Variants in ZFP42 observed in about 807,000 individuals in gnomAD.
ZFP42 encodes ZFP42 zinc finger protein.
For missense variants in ZFP42, 438 were observed against 377.1 expected (o/e 1.16, Z -1.34); for synonymous variants, 175 against 144.6 (o/e 1.21, Z -1.51).
At position 188,003,748 on chromosome 4, in the gene ZFP42, A is replaced by G. The variant is rs760664307; in HGVS notation, c.*8A>G. 3 of 1,602,090 alleles carry G rather than the reference A, an allele frequency of 1.9e-6. No homozygotes were observed. The highest frequency in any genetic ancestry group is 2.2e-5 in the South Asian group (2 of 90,108). Reference sequence around the variant, plus strand: ...GAACAAGAGGGAAAGTAGTCCTCCAACAGGATGAAGCAGATTAACAGAAGA... The same window carrying G: ...GAACAAGAGGGAAAGTAGTCCTCCAGCAGGATGAAGCAGATTAACAGAAGA... On this transcript the variant is annotated 3_prime_UTR_variant, in exon 4 of 4. Transcript: ENST00000326866.
chr4:188,002,047 T>G (rs902284887), intron 3 of ZFP42, among the ~76,000 whole-genome samples: 3 of 151,916 alleles, frequency 2.0e-5, no homozygotes, highest in African/African-American at 4.8e-5. Context: ...CGTGGTGGCG[T>G]GCGCCTGTAA....
intron 3 of ZFP42, among the ~76,000 whole-genome samples, chr4:188,000,092 G>A (rs1733752474): frequency 6.6e-6 from 1 of 152,132 alleles, no homozygotes; most frequent in African/African-American, 2.4e-5. Context: ...TTTTTTGAAT[G>A]TTTGAGTATT....
At chr4:187,999,049 A>G (rs991309993) in intron 1 of ZFP42, 59 bp from the exon 2 acceptor site, 10 of 152,208 alleles carry the variant, frequency 6.6e-5, no homozygotes, top group African/African-American at 2.4e-4. Context: ...GAACCTTAGT[A>G]AATTCATAAA....
chr4:188,003,143 A>G lies in ZFP42; in HGVS notation c.336A>G (p.Glu112=). The part of the protein sequence containing the change: ...SEQQLSQKVF[E]ASSLECSLEY... ...AACAGCTTTCTCAAAAGGTTTTCGA[A>G]GCAAGCTCCCTTGAATGTTCTTTGG... The change falls in exon 4 of 4, where the codon GAA becomes GAG. Residue 112 remains glutamate, a synonymous_variant. Transcript: ENST00000326866. 1 of 1,614,148 alleles carries G rather than the reference A, an allele frequency of 6.2e-7. No individual in the cohort carries two copies. Among genetic ancestry groups the G allele is most frequent in the South Asian group, 1.1e-5 (1 of 91,084 alleles).
intron 3 of ZFP42, among the ~76,000 whole-genome samples, chr4:188,000,784 C>A (rs1292270324): frequency 6.6e-6 from 1 of 152,140 alleles, no homozygotes; most frequent in Non-Finnish European, 1.5e-5. Context: ...GAGTTCGAGA[C>A]CAGCCTGGCC....
chr4:187,997,021 A>G (rs866950867), intron 1 of ZFP42, among the ~76,000 whole-genome samples: 23 of 55,300 alleles, frequency 4.2e-4, no homozygotes, highest in Non-Finnish European at 7.1e-4. Flanking sequence ...AGCGTGGAGC[A>G]TGGAGCATGG....
chr4:188,003,033 G>C lies in ZFP42; in HGVS notation c.226G>C (p.Val76Leu), dbSNP rs1222694306. The change falls in exon 4 of 4, where the codon GTC becomes CTC. Residue 76 changes from valine (V) to leucine (L), a missense_variant. Coordinates refer to ENST00000326866, the MANE Select transcript of ZFP42 (RefSeq NM_174900.5). ...DDFSDCYIEC[V>L]IRGEFSQPIL... ...TTTCTCAGACTGTTACATAGAATGCGTCATAAGGGGTGAGTTTTCTCAACC... is the reference window on the plus strand; with the variant it reads ...TTTCTCAGACTGTTACATAGAATGCCTCATAAGGGGTGAGTTTTCTCAACC... 7 of 1,614,036 alleles carry C rather than the reference G, an allele frequency of 4.3e-6. No individual in the cohort carries two copies. The highest frequency in any genetic ancestry group is 2.7e-5 in the African/African-American group (2 of 74,930).
chr4:188,004,908 A>T lies in ZFP42; in HGVS notation c.*1168A>T, dbSNP rs189875047. 1 of 167,234 alleles carries T rather than the reference A, an allele frequency of 6.0e-6. No individual in the cohort carries two copies. Among genetic ancestry groups the T allele is most frequent in the East Asian group, 1.9e-4 (1 of 5,192 alleles). The allele number at this position is 167,234 out of a possible 1,614,324, so 10.4% of individuals were successfully genotyped here. A position where few individuals can be genotyped will look rare whatever the true frequency, so the allele number is the denominator to read the frequency against. ...TTAAATATTCCTTAAAGTCAACTGTATTTCATTGTGATTTTTGTTTTCTTT... is the reference window on the plus strand; with the variant it reads ...TTAAATATTCCTTAAAGTCAACTGTTTTTCATTGTGATTTTTGTTTTCTTT... On this transcript the variant is annotated 3_prime_UTR_variant, in exon 4 of 4. Transcript: ENST00000326866.
chr4:188,000,860 G>GA (rs1032752957), intron 3 of ZFP42, among the ~76,000 whole-genome samples: 3 of 152,004 alleles, frequency 2.0e-5, no homozygotes, highest in African/African-American at 7.2e-5. Flanking sequence ...GGCGGGGCGG[G>GA]GGGGCGCCTG....
intron 3 of ZFP42, among the ~76,000 whole-genome samples, chr4:188,000,692 A>G (rs1000678515): frequency 6.6e-6 from 1 of 152,264 alleles, no homozygotes; most frequent in East Asian, 1.9e-4. Context: ...ACCTTTTTAA[A>G]GGACACAGGC....
At position 188,003,839 on chromosome 4, in the gene ZFP42, C is replaced by G; in HGVS notation, c.*99C>G. On this transcript the variant is annotated 3_prime_UTR_variant, in exon 4 of 4. Coordinates refer to ENST00000326866, the MANE Select transcript of ZFP42 (RefSeq NM_174900.5). Reference sequence around the variant, plus strand: ...GGAAGGAATTTCTAAATCAATATTGCAACCCCAAAAGCGGTTATAATTTGG... The same window carrying G: ...GGAAGGAATTTCTAAATCAATATTGGAACCCCAAAAGCGGTTATAATTTGG... The G allele has an allele frequency of 3.2e-6, 4 of 1,264,208 alleles. No individual in the cohort carries two copies. Among genetic ancestry groups the G allele is most frequent in the Non-Finnish European group, 3.2e-6 (3 of 923,738 alleles). 78.3% of individuals were successfully genotyped at this position (1,264,208 alleles called of 1,614,324 possible).
Position 188,003,119 on chromosome 4 carries a change from A to G in ZFP42, c.312A>G (p.Gln104=). ...SLEYLKKGSE[Q]QLSQKVFEAS... ...AATACCTAAAGAAAGGATCAGAACA[A>G]CAGCTTTCTCAAAAGGTTTTCGAAG... Residue 104 remains glutamine, a synonymous_variant, in exon 4 of 4, where the codon CAA becomes CAG. Coordinates refer to ENST00000326866, the MANE Select transcript of ZFP42 (RefSeq NM_174900.5). The G allele has an allele frequency of 6.2e-7, 1 of 1,614,144 alleles. No homozygotes were observed. Among genetic ancestry groups the G allele is most frequent in the Non-Finnish European group, 8.5e-7 (1 of 1,180,032 alleles).
chr4:188,003,409 A>G lies in ZFP42; in HGVS notation c.602A>G (p.Asn201Ser). 1 of 1,614,162 alleles carries G rather than the reference A, an allele frequency of 6.2e-7. No homozygotes were observed. Residue 201 changes from asparagine to serine, a missense_variant, in exon 4 of 4, where the codon AAT (asparagine) becomes AGT (serine). Physicochemically the swap from Asn to Ser is conservative, Grantham distance 46. Coordinates refer to ENST00000326866, the MANE Select transcript of ZFP42 (RefSeq NM_174900.5). ...AGTGGATGCACTAGGAAGTTGAGGA[A>G]TAGAGCTGCCCTGAGAAAGCATCTC... ...PQSGCTRKLR[N>S]RAALRKHLLI...
rs908482124 is a variant in ZFP42, at chr4:188,003,157, A to C, written c.350A>C (p.Glu117Ala). ...SQKVFEASSL[E>A]CSLEYMKKGV... ...AAGGTTTTCGAAGCAAGCTCCCTTGAATGTTCTTTGGAATACATGAAAAAA... is the reference window on the plus strand; with the variant it reads ...AAGGTTTTCGAAGCAAGCTCCCTTGCATGTTCTTTGGAATACATGAAAAAA... Residue 117 changes from glutamate to alanine, a missense_variant, in exon 4 of 4, where the codon GAA (glutamate) becomes GCA (alanine). Transcript: ENST00000326866. The C allele has an allele frequency of 6.2e-7, 1 of 1,614,116 alleles. No individual in the cohort carries two copies. The highest frequency in any genetic ancestry group is 8.5e-7 in the Non-Finnish European group (1 of 1,180,024).
Position 188,003,529 on chromosome 4 carries a change from G to C in ZFP42, c.722G>C (p.Gly241Ala). 6.2e-7 allele frequency: 1 copy of C among 1,613,706 alleles called. No homozygotes were observed. Among genetic ancestry groups the C allele is most frequent in the African/African-American group, 1.3e-5 (1 of 75,048 alleles). ...AAGAGACATTTCCTGGTTCATACTG[G>C]AGAGAAGCCGTTTCGGTGCACTTTT... ...KLKRHFLVHT[G>A]EKPFRCTFEG... The change falls in exon 4 of 4, where the codon GGA (glycine) becomes GCA (alanine). Residue 241 changes from glycine to alanine, a missense_variant. Gly to Ala is a moderately conservative substitution (Grantham distance 60). Coordinates refer to ENST00000326866, the MANE Select transcript of ZFP42 (RefSeq NM_174900.5).
At chr4:187,998,933 A>G (rs144978651) in intron 1 of ZFP42, among the ~76,000 whole-genome samples, 175 bp from the exon 2 acceptor site, 2 of 152,362 alleles carry the variant, frequency 1.3e-5, no homozygotes, top group African/African-American at 4.8e-5. Flanking sequence ...TACCATTTCA[A>G]TGTTATATGT....
intron 3 of ZFP42, among the ~76,000 whole-genome samples, chr4:187,999,926 G>A (rs1319457586): frequency 1.3e-5 from 2 of 152,188 alleles, no homozygotes; most frequent in African/African-American, 4.8e-5. Context: ...ATGCTTTACT[G>A]GAGAAAGTTT....
chr4:188,003,604 T>G lies in ZFP42; in HGVS notation c.797T>G (p.Val266Gly). The change falls in exon 4 of 4, where the codon GTG (valine) becomes GGG (glycine). Residue 266 changes from valine to glycine, a missense_variant. Physicochemically the swap from Val to Gly is moderately radical, Grantham distance 109. Coordinates refer to ENST00000326866, the MANE Select transcript of ZFP42 (RefSeq NM_174900.5). Reference protein sequence around the residue: ...FSLDFNLRTHVRIHTGEKRFV... With the variant: ...FSLDFNLRTHGRIHTGEKRFV... ...CTGGACTTTAATTTGCGTACGCACG[T>G]GCGCATCCACACGGGGGAGAAACGT... The G allele has an allele frequency of 1.2e-6, 2 of 1,613,512 alleles. No individual in the cohort carries two copies. Among genetic ancestry groups the G allele is most frequent in the African/African-American group, 2.7e-5 (2 of 75,060 alleles).
In ZFP42 at chr4:188,003,069, G is replaced by A. The variant is rs777748248; in HGVS notation, c.262G>A (p.Glu88Lys). The A allele has an allele frequency of 1.2e-6, 2 of 1,614,198 alleles. No individual in the cohort carries two copies. The highest frequency in any genetic ancestry group is 1.1e-5 in the South Asian group (1 of 91,078). ...TGAGTTTTCTCAACCCATCCTGGAAGAGGACTCACTTTTTGAGTCCTTGGA... is the reference window on the plus strand; with the variant it reads ...TGAGTTTTCTCAACCCATCCTGGAAAAGGACTCACTTTTTGAGTCCTTGGA... ...RGEFSQPILE[E>K]DSLFESLEYL... The change falls in exon 4 of 4, where the codon GAG becomes AAG. Residue 88 changes from glutamate (E) to lysine (K), a missense_variant. Coordinates refer to ENST00000326866, the MANE Select transcript of ZFP42 (RefSeq NM_174900.5).
Sources: allele counts gnomAD v4.1 joint callset (sites outside exome capture counted in the v4.1 genomes callset), GRCh38; gene constraint gnomAD v4.1.1; transcripts MANE v1.5; gene names NCBI Gene and HGNC (gene_info 2026-07-23, HGNC 2026-07-21).